The following SLC16A10 variants were observed in gnomAD, a reference collection of about 807,000 sequenced individuals.
SLC16A10 encodes the protein solute carrier family 16 member 10.
A neutral mutation model predicts 40.0 loss-of-function variants in SLC16A10; 27 were observed. That is an observed-to-expected ratio of 0.67 (90% CI 0.50 to 0.93). The LOEUF (loss-of-function observed/expected upper bound fraction) is 0.93. Ranked by LOEUF, SLC16A10 falls within the 40% of genes least tolerant of loss-of-function variation. SLC16A10 has a pLI of 0.00. For missense variants in SLC16A10, 529 were observed against 658.2 expected (o/e 0.80, Z 2.15); for synonymous variants, 213 against 249.8 (o/e 0.85, Z 1.39).
chr6:111,152,720 A>T lies in SLC16A10; in HGVS notation c.344-19975A>T, dbSNP rs898968345. On this transcript the variant is annotated intron_variant, in intron 1 of 5. Transcript: ENST00000368851. The stretch of plus-strand genomic sequence containing the variant: ...AACATGCTGTTGGAGTAAGAGAGGA[A>T]TGCCTTATTGTGGACCGAGGGGATA... Among the ~76,000 whole-genome samples, 6 of 152,212 alleles carry T rather than the reference A, an allele frequency of 3.9e-5. No homozygotes were observed. The South Asian group carries it at 1.2e-3, about 32-fold the overall frequency.
intron 1 of SLC16A10, among the ~76,000 whole-genome samples, chr6:111,120,804 G>A (rs1771570167): frequency 6.6e-6 from 1 of 152,088 alleles, no homozygotes; most frequent in African/African-American, 2.4e-5. Flanking sequence ...CAATCATTGT[G>A]GAGTGCTTAG....
At chr6:111,092,794 C>T (rs1162933534) in intron 1 of SLC16A10, among the ~76,000 whole-genome samples, 1 of 151,284 alleles carries the variant, frequency 6.6e-6, no homozygotes, top group African/African-American at 2.4e-5. Context: ...AATCCCAGCC[C>T]TTTGGGAGGC....
At chr6:111,117,636 G>C (rs1487436382) in intron 1 of SLC16A10, among the ~76,000 whole-genome samples, 1 of 152,024 alleles carries the variant, frequency 6.6e-6, no homozygotes, top group African/African-American at 2.4e-5. Context: ...TCTTGTTTTT[G>C]GTTTTTGCTT....
intron 1 of SLC16A10, among the ~76,000 whole-genome samples, chr6:111,156,563 CT>C (rs1772274228): frequency 6.6e-6 from 1 of 152,188 alleles, no homozygotes. Context: ...GGACATGCTA[CT>C]TAATTCCTGA....
chr6:111,105,096 C>T (rs1473551902), intron 1 of SLC16A10, among the ~76,000 whole-genome samples: 5 of 152,126 alleles, frequency 3.3e-5, no homozygotes, highest in African/African-American at 1.2e-4. Flanking sequence ...TTGGCATGTT[C>T]CTCCTCCTTT....
At position 111,226,814 on chromosome 6, in the gene SLC16A10, G is replaced by A. The variant is rs1443385334; in HGVS notation, c.*4579G>A. ...GAATAAGAATACATCGTAGAAGGAA[G>A]ACTTGCTACTTTACTGACTTAATCA... is the stretch of plus-strand genomic sequence containing the variant. On this transcript the variant is annotated 3_prime_UTR_variant, in exon 6 of 6. Transcript: ENST00000368851. The A allele has an allele frequency of 6.6e-6, 1 of 152,240 alleles. No homozygotes were observed. Among genetic ancestry groups the A allele is most frequent in the Non-Finnish European group, 1.5e-5 (1 of 68,040 alleles). 9.4% of individuals were successfully genotyped at this position (152,240 alleles called of 1,614,324 possible).
At chr6:111,092,387 T>TC (rs1287366856) in intron 1 of SLC16A10, among the ~76,000 whole-genome samples, 1 of 141,626 alleles carries the variant, frequency 7.1e-6, no homozygotes, top group Non-Finnish European at 1.5e-5. Flanking sequence ...TGGCACCATC[T>TC]CGGCTCACTG....
intron 1 of SLC16A10, among the ~76,000 whole-genome samples, chr6:111,134,315 A>G (rs995710537): frequency 6.6e-6 from 1 of 152,202 alleles, no homozygotes; most frequent in Non-Finnish European, 1.5e-5. Flanking sequence ...AGAAAATCCT[A>G]CCACCTTTCT....
chr6:111,159,099 T>C (rs574093472), intron 1 of SLC16A10, among the ~76,000 whole-genome samples: 118 of 119,614 alleles, frequency 9.9e-4, no homozygotes, highest in African/African-American at 3.7e-3. Context: ...AAAAAAAAGA[T>C]GTAAACATTA....
At chr6:111,193,920 C>G (rs988706218) in intron 3 of SLC16A10, among the ~76,000 whole-genome samples, 1 of 152,170 alleles carries the variant, frequency 6.6e-6, no homozygotes, top group Non-Finnish European at 1.5e-5. Context: ...GTGGATTTAT[C>G]TACAAAATAC....
chr6:111,107,170 T>TG (rs751303165), intron 1 of SLC16A10, among the ~76,000 whole-genome samples: 1 of 152,042 alleles, frequency 6.6e-6, no homozygotes, highest in Non-Finnish European at 1.5e-5. Flanking sequence ...ATGTACACTA[T>TG]GAAAAAAAAC....
At chr6:111,148,305 C>A (rs1251919990) in intron 1 of SLC16A10, among the ~76,000 whole-genome samples, 1 of 152,178 alleles carries the variant, frequency 6.6e-6, no homozygotes, top group African/African-American at 2.4e-5. Flanking sequence ...GCAACTCAGC[C>A]TGTGTACGCA....
intron 2 of SLC16A10, among the ~76,000 whole-genome samples, chr6:111,174,241 CT>C (rs1772637937): frequency 6.6e-6 from 1 of 152,082 alleles, no homozygotes; most frequent in Non-Finnish European, 1.5e-5. Context: ...CCCTAGCTGT[CT>C]TTATGCTGCT....
intron 1 of SLC16A10, among the ~76,000 whole-genome samples, chr6:111,105,292 C>G (rs1357323598): frequency 2.0e-5 from 3 of 152,226 alleles, no homozygotes; most frequent in African/African-American, 7.2e-5. Context: ...AGTTTAGTAA[C>G]TGAGCCAACT....
intron 1 of SLC16A10, among the ~76,000 whole-genome samples, chr6:111,106,518 G>C (rs1266428481): frequency 1.3e-5 from 2 of 152,168 alleles, no homozygotes; most frequent in African/African-American, 4.8e-5. Flanking sequence ...TGGGTGTCTG[G>C]TGGCAACTGA....
chr6:111,204,058 A>C (rs1183715067), intron 3 of SLC16A10, among the ~76,000 whole-genome samples: 1 of 152,132 alleles, frequency 6.6e-6, no homozygotes, highest in African/African-American at 2.4e-5. Context: ...TGGTGTTCTC[A>C]GGGAACATAG....
At chr6:111,178,335 A>G (rs1410628983) in intron 3 of SLC16A10, 2 of 526,140 alleles carry the variant, frequency 3.8e-6, no homozygotes, top group East Asian at 1.1e-4. Context: ...AAAGAGAACT[A>G]TGGTTTTATA....
intron 1 of SLC16A10, among the ~76,000 whole-genome samples, chr6:111,107,792 G>C (rs555621734): frequency 8.5e-5 from 13 of 152,290 alleles, no homozygotes; most frequent in African/African-American, 3.1e-4. Flanking sequence ...CTTTTGGGAT[G>C]CTCAAGGTAT....
At chr6:111,202,725 A>G (rs1330132697) in intron 3 of SLC16A10, among the ~76,000 whole-genome samples, 1 of 151,914 alleles carries the variant, frequency 6.6e-6, no homozygotes, top group Non-Finnish European at 1.5e-5. Flanking sequence ...CGTCTCTACT[A>G]AAGATACAAA....
Sources: gnomAD v4.1 joint callset for allele counts (sites outside exome capture counted in the v4.1 genomes callset) on GRCh38, gnomAD v4.1.1 for gene constraint, MANE v1.5 for transcripts, NCBI Gene and HGNC (gene_info 2026-07-23, HGNC 2026-07-21) for gene names.